Variants in SBF2 observed in about 807,000 individuals in gnomAD.
SBF2 encodes the protein myotubularin-related protein 13.
In SBF2, 112 loss-of-function variants were observed where a neutral mutation model predicts 225.2. That is an observed-to-expected ratio of 0.50 (90% confidence interval 0.43 to 0.58). SBF2 has a LOEUF of 0.58. Among genes scored for constraint, SBF2 ranks in the 20% least tolerant of loss-of-function variants. The probability of loss-of-function intolerance (pLI) is 0.00; values close to 1 mark genes in which losing one functional copy is unlikely to be tolerated. For synonymous variants in SBF2, 763 were observed against 773.3 expected (o/e 0.99, Z 0.22); for missense variants, 1,996 against 2,206.2 (o/e 0.90, Z 1.91).
chr11:9,815,281 TAAAAAAAA>T (rs35464212), intron 29 of SBF2, among the ~76,000 whole-genome samples: 1 of 42,802 alleles, frequency 2.3e-5, no homozygotes, highest in African/African-American at 1.1e-4. Flanking sequence ...CTACTAAAAC[TAAAAAAAA>T]AAAAAAAAAA....
intron 1 of SBF2, among the ~76,000 whole-genome samples, chr11:10,265,950 C>T (rs2920147): frequency 0.35 from 52,446 of 151,972 alleles, 9,760 homozygotes; most frequent in Non-Finnish European, 0.43. Context: ...GAACTTCTAG[C>T]CTCAAGTGAT....
intron 17 of SBF2, among the ~76,000 whole-genome samples, chr11:9,873,370 A>G (rs752077831): frequency 5.9e-5 from 9 of 152,204 alleles, no homozygotes; most frequent in Non-Finnish European, 1.0e-4. Flanking sequence ...AAGATATGTT[A>G]TGGAAACAAA....
intron 16 of SBF2, among the ~76,000 whole-genome samples, chr11:9,939,799 G>A (rs536193927): frequency 1.3e-5 from 2 of 152,076 alleles, no homozygotes; most frequent in African/African-American, 4.8e-5. Context: ...TTGAAATTTT[G>A]TTCAAAGGGG....
At chr11:9,884,209 G>C (rs1395789224) in intron 17 of SBF2, among the ~76,000 whole-genome samples, 1 of 152,156 alleles carries the variant, frequency 6.6e-6, no homozygotes, top group African/African-American at 2.4e-5. Flanking sequence ...TAACAGATCT[G>C]AAATCAGGAG....
intron 1 of SBF2, among the ~76,000 whole-genome samples, chr11:10,259,380 A>C (rs1187092318): frequency 6.6e-6 from 1 of 152,228 alleles, no homozygotes; most frequent in African/African-American, 2.4e-5. Context: ...TGCTCTGTAC[A>C]TAGAAAGCAC....
At chr11:9,904,409 T>G (rs1042188423) in intron 16 of SBF2, among the ~76,000 whole-genome samples, 1 of 152,102 alleles carries the variant, frequency 6.6e-6, no homozygotes, top group African/African-American at 2.4e-5. Flanking sequence ...GCTATAACAA[T>G]TTAAATGTAT....
rs574177096 is a variant in SBF2, at chr11:9,932,957, C to CAAAAA, written c.1860+28995_1860+28999dup. Among the ~76,000 whole-genome samples the CAAAAA allele has an allele frequency of 3.2e-4, 19 of 58,768 alleles. 1 individual carries two copies. Among genetic ancestry groups the CAAAAA allele is most frequent in the East Asian group, 2.4e-3 (1 of 420 alleles). 38.6% of individuals were successfully genotyped at this position (58,768 alleles called of 152,430 possible). A position where few individuals can be genotyped will look rare whatever the true frequency, so the allele number is the denominator to read the frequency against. On this transcript the variant is annotated intron_variant, in intron 16 of 39. Coordinates refer to ENST00000256190, the MANE Select transcript of SBF2 (RefSeq NM_030962.4). ...GGAGATCTACCAAGCAAACGAAAAG[C>CAAAAA]AAAAAAAAAAAAAAAAAAAAAAAAA...
At chr11:9,876,892 C>T (rs1206069872) in intron 17 of SBF2, among the ~76,000 whole-genome samples, 4 of 152,118 alleles carry the variant, frequency 2.6e-5, no homozygotes, top group African/African-American at 9.7e-5. Context: ...GCGCCCACCA[C>T]CATCCCCAGC....
At chr11:9,963,436 G>A (rs1431561878) in intron 15 of SBF2, among the ~76,000 whole-genome samples, 2 of 152,130 alleles carry the variant, frequency 1.3e-5, no homozygotes, top group African/African-American at 4.8e-5. Flanking sequence ...CTGTACTCCA[G>A]CCTGGGTGAC....
chr11:9,818,997 C>T (rs1347636829), intron 28 of SBF2, among the ~76,000 whole-genome samples: 1 of 152,214 alleles, frequency 6.6e-6, no homozygotes, highest in African/African-American at 2.4e-5. Flanking sequence ...GCTGGGATTA[C>T]AGGTGCGAGC....
intron 1 of SBF2, among the ~76,000 whole-genome samples, chr11:10,257,684 A>G (rs1294285513): frequency 1.3e-5 from 2 of 149,398 alleles, no homozygotes; most frequent in Admixed American, 6.7e-5. Flanking sequence ...AAAAAAAAAA[A>G]AAAAAAGAAA....
intron 2 of SBF2, among the ~76,000 whole-genome samples, chr11:10,183,565 T>C (rs957450599): frequency 9.9e-5 from 15 of 152,244 alleles, no homozygotes; most frequent in Non-Finnish European, 8.8e-5. Context: ...ATTTAGACTA[T>C]GATCCATTTC....
At chr11:10,268,914 T>G (rs1000823303) in intron 1 of SBF2, among the ~76,000 whole-genome samples, 1 of 152,214 alleles carries the variant, frequency 6.6e-6, no homozygotes, top group African/African-American at 2.4e-5. Flanking sequence ...TCTGAAGGTC[T>G]GATCTCTCTG....
At chr11:9,874,199 C>G (rs1394674244) in intron 17 of SBF2, among the ~76,000 whole-genome samples, 1 of 152,076 alleles carries the variant, frequency 6.6e-6, no homozygotes, top group Non-Finnish European at 1.5e-5. Context: ...TTAGGAAGCT[C>G]TCATTCTAAG....
At chr11:9,833,466 G>GCT (rs1855525532) in intron 26 of SBF2, among the ~76,000 whole-genome samples, 1 of 149,224 alleles carries the variant, frequency 6.7e-6, no homozygotes, top group Non-Finnish European at 1.5e-5. Flanking sequence ...TGTCGCCCAG[G>GCT]CTGGAGTGCA....
At chr11:10,252,550 T>G (rs1028243843) in intron 1 of SBF2, among the ~76,000 whole-genome samples, 2 of 152,216 alleles carry the variant, frequency 1.3e-5, no homozygotes, top group Non-Finnish European at 2.9e-5. Context: ...ACGCCTGTAA[T>G]CCCAGCACTT....
Position 10,099,447 on chromosome 11 carries a change from A to C in SBF2, c.142-56466T>G, listed in dbSNP as rs1253909045. ...TCAAAAACAGTAAACCTGCCTTACA[A>C]GAAATGCTAAAGGGGGTTCTTTAAC... On this transcript the variant is annotated intron_variant, in intron 2 of 39. Coordinates refer to ENST00000256190, the MANE Select transcript of SBF2 (RefSeq NM_030962.4). 2.0e-5 allele frequency among the ~76,000 whole-genome samples: 3 copies of C among 152,344 alleles called. No homozygotes were observed. The South Asian group carries it at 6.2e-4, about 32-fold the overall frequency.
chr11:10,253,206 G>A (rs926795721), intron 1 of SBF2, among the ~76,000 whole-genome samples: 16 of 151,010 alleles, frequency 1.1e-4, no homozygotes, highest in East Asian at 1.9e-4. Flanking sequence ...GAATTAGAGC[G>A]TAGTGTTAAG....
chr11:9,891,363 A>G (rs1198117470), intron 17 of SBF2, among the ~76,000 whole-genome samples: 2 of 152,210 alleles, frequency 1.3e-5, no homozygotes, highest in African/African-American at 4.8e-5. Context: ...TTTAATAAAC[A>G]TAATCTTTAA....
Sources: gnomAD v4.1 joint callset for allele counts (sites outside exome capture counted in the v4.1 genomes callset) on GRCh38, gnomAD v4.1.1 for gene constraint, MANE v1.5 for transcripts, NCBI Gene and HGNC (gene_info 2026-07-23, HGNC 2026-07-21) for gene names.